Variants in MCPH1 observed in about 807,000 individuals in gnomAD.
The protein encoded by MCPH1 is microcephalin.
A neutral mutation model predicts 84.5 loss-of-function variants in MCPH1; 104 were observed. That is an observed-to-expected ratio of 1.23 (90% CI 1.05 to 1.45). MCPH1 has a LOEUF of 1.45. MCPH1 is among the 40% of genes most tolerant of loss of function. The pLI is 0.00. For missense variants in MCPH1, 1,498 were observed against 1,005.7 expected, an observed-to-expected ratio of 1.49 and a Z score of -6.62; for synonymous variants, 514 against 366.8, an observed-to-expected ratio of 1.40 and a Z score of -4.58.
At chr8:6,413,235 AG>A (rs1488345118) in intron 2 of MCPH1, among the ~76,000 whole-genome samples, 15 of 140,890 alleles carry the variant, frequency 1.1e-4, no homozygotes, top group African/African-American at 4.0e-4. Context: ...TCTCAATTCC[AG>A]ACTGCTGTTG....
chr8:6,411,102 A>T (rs1318376372), intron 2 of MCPH1, among the ~76,000 whole-genome samples: 2 of 152,058 alleles, frequency 1.3e-5, no homozygotes, highest in African/African-American at 4.8e-5. Context: ...AAAACCAAAA[A>T]AATAGGCACT....
intron 12 of MCPH1, among the ~76,000 whole-genome samples, chr8:6,565,991 CAGTGT>C (rs1420885764): frequency 6.6e-6 from 1 of 152,130 alleles, no homozygotes; most frequent in Non-Finnish European, 1.5e-5. Flanking sequence ...AAACTCTGTC[CAGTGT>C]CAGATGGTAA....
intron 13 of MCPH1, among the ~76,000 whole-genome samples, chr8:6,642,419 TA>T (rs2129584011): frequency 6.6e-6 from 1 of 152,306 alleles, no homozygotes; most frequent in South Asian, 2.1e-4. Context: ...GTGATTTTCA[TA>T]AAATAGTCGA....
chr8:6,612,150 G>A (rs1354370051), intron 12 of MCPH1, among the ~76,000 whole-genome samples: 1 of 152,114 alleles, frequency 6.6e-6, no homozygotes, highest in African/African-American at 2.4e-5. Context: ...CTTCTGCATC[G>A]CTCGGGGAAT....
intron 9 of MCPH1, among the ~76,000 whole-genome samples, chr8:6,472,896 C>G (rs1474460215): frequency 6.6e-6 from 1 of 152,164 alleles, no homozygotes; most frequent in Admixed American, 6.5e-5. Flanking sequence ...CAATTTTTGA[C>G]TACCTATTTA....
In MCPH1 at chr8:6,505,285, T is replaced by G. The variant is rs1254303509; in HGVS notation, c.2214+5356T>G. 1.9e-5 allele frequency among the ~76,000 whole-genome samples: 2 copies of G among 105,324 alleles called. 1 individual carries two copies. The highest frequency in any genetic ancestry group is 3.5e-5 in the Non-Finnish European group (2 of 57,592). The allele number at this position is 105,324 out of a possible 152,430, so 69.1% of individuals were successfully genotyped here. ...TTTTATATATATGTATACATATATA[T>G]GTTATATACATATATATGTATATAA... On this transcript the variant is annotated intron_variant, in intron 12 of 13. Coordinates refer to ENST00000344683, the MANE Select transcript of MCPH1 (RefSeq NM_024596.5).
chr8:6,526,409 G>C (rs1007142935), intron 12 of MCPH1, among the ~76,000 whole-genome samples: 4 of 151,722 alleles, frequency 2.6e-5, no homozygotes, highest in African/African-American at 4.8e-5. Context: ...ACTCCAGCCA[G>C]GGCAACCAGA....
intron 9 of MCPH1, among the ~76,000 whole-genome samples, chr8:6,465,509 A>T (rs1448067823): frequency 1.3e-5 from 2 of 152,190 alleles, no homozygotes; most frequent in Admixed American, 6.5e-5. Flanking sequence ...ACAAGATGTG[A>T]AGGGAAGTCT....
intron 12 of MCPH1, among the ~76,000 whole-genome samples, chr8:6,580,637 C>T (rs1050614330): frequency 6.6e-6 from 1 of 151,966 alleles, no homozygotes; most frequent in African/African-American, 2.4e-5. Flanking sequence ...GGCTACAGAG[C>T]AAGACTCTAT....
intron 12 of MCPH1, chr8:6,519,823 C>T (rs757132726): frequency 2.0e-5 from 32 of 1,606,390 alleles, no homozygotes; most frequent in Non-Finnish European, 1.9e-5. Context: ...AAGTGGCCTG[C>T]CTAGAGCCAG....
At chr8:6,570,272 A>T (rs1165305657) in intron 12 of MCPH1, among the ~76,000 whole-genome samples, 1 of 152,190 alleles carries the variant, frequency 6.6e-6, no homozygotes, top group East Asian at 1.9e-4. Context: ...TTGACATAAA[A>T]TAGCTGGCCC....
rs750394640 is a variant in MCPH1 at position 6,647,905 on chromosome 8, C to T, written c.*4856C>T. Reference sequence around the variant, plus strand: ...TAAGCCTTAAGGCATGTGAATTATACACCAATAAAGCTATTTTTTTTAAAA... The same window carrying T: ...TAAGCCTTAAGGCATGTGAATTATATACCAATAAAGCTATTTTTTTTAAAA... On this transcript the variant is annotated 3_prime_UTR_variant, in exon 14 of 14. Coordinates refer to ENST00000344683, the MANE Select transcript of MCPH1 (RefSeq NM_024596.5). The T allele has an allele frequency of 6.6e-6, 1 of 151,768 alleles. No homozygotes were observed. The highest frequency in any genetic ancestry group is 2.4e-5 in the African/African-American group (1 of 41,240). 9.4% of individuals were successfully genotyped at this position (151,768 alleles called of 1,614,324 possible).
At chr8:6,626,699 G>A (rs180685901) in intron 13 of MCPH1, 146 of 985,114 alleles carry the variant, frequency 1.5e-4, no homozygotes, top group African/African-American at 3.8e-4. Context: ...GTCACGAAAC[G>A]AAGACCCTGG....
At chr8:6,499,216 A>G (rs1350386028) in intron 11 of MCPH1, among the ~76,000 whole-genome samples, 1 of 152,128 alleles carries the variant, frequency 6.6e-6, no homozygotes, top group African/African-American at 2.4e-5. Flanking sequence ...AGAACCTCAA[A>G]TATTACTGAA....
intron 12 of MCPH1, among the ~76,000 whole-genome samples, chr8:6,584,916 G>C (rs1005440563): frequency 6.6e-6 from 1 of 152,186 alleles, no homozygotes; most frequent in Non-Finnish European, 1.5e-5. Flanking sequence ...AAATATTCAA[G>C]AGTCTCAAAC....
chr8:6,442,014 T>A (rs1044679284), intron 6 of MCPH1, 53 bp from the exon 7 acceptor site: 7 of 1,292,612 alleles, frequency 5.4e-6, no homozygotes, highest in Admixed American at 5.1e-5. Context: ...TGGCTTCATC[T>A]GCTAAGAAAT....
chr8:6,449,501 C>T (rs1156661381), intron 8 of MCPH1, among the ~76,000 whole-genome samples: 2 of 152,098 alleles, frequency 1.3e-5, no homozygotes, highest in Non-Finnish European at 2.9e-5. Context: ...GGCGTGGTGG[C>T]ACATGCCTAT....
At chr8:6,555,432 T>C (rs914525165) in intron 12 of MCPH1, among the ~76,000 whole-genome samples, 13 of 151,448 alleles carry the variant, frequency 8.6e-5, no homozygotes, top group African/African-American at 3.2e-4. Context: ...CTCTTGGTTA[T>C]AACATAATTT....
At chr8:6,534,014 G>A (rs945542469) in intron 12 of MCPH1, among the ~76,000 whole-genome samples, 1 of 151,952 alleles carries the variant, frequency 6.6e-6, no homozygotes, top group African/African-American at 2.4e-5. Context: ...CCTCGCCATC[G>A]ACTCTGCCCC....
Sources: allele counts gnomAD v4.1 joint callset (sites outside exome capture counted in the v4.1 genomes callset), GRCh38; gene constraint gnomAD v4.1.1; transcripts MANE v1.5; gene names NCBI Gene and HGNC (gene_info 2026-07-23, HGNC 2026-07-21).